The following KRABD2 variants were observed in gnomAD, a reference collection of about 807,000 sequenced individuals.
The protein encoded by KRABD2 is KRAB domain containing 2.
the KRABD2 span, chr17:8,369,826 A>T: frequency 6.2e-7 from 1 of 1,614,236 alleles, no homozygotes; most frequent in Non-Finnish European, 8.5e-7. Context: ...TCAACTTGGC[A>T]TGTGGAGTCT....
At chr17:8,363,863 T>TATA in the KRABD2 span, among the ~76,000 whole-genome samples, 2,453 of 54,316 alleles carry the variant, frequency 0.045, 32 homozygotes, top group East Asian at 0.052. Context: ...ATATATATAT[T>TATA]TATTTATTTA....
chr17:8,370,333 C>G, the KRABD2 span: 1 of 1,605,968 alleles, frequency 6.2e-7, no homozygotes, highest in South Asian at 1.1e-5. Context: ...TTTGAAACCC[C>G]AGGTGGATCA....
At chr17:8,374,553 C>T in the KRABD2 span, among the ~76,000 whole-genome samples, 14 of 150,826 alleles carry the variant, frequency 9.3e-5, no homozygotes, top group Admixed American at 9.3e-4. Flanking sequence ...ATCTGCTGAC[C>T]TTCCCTCCAC....
At chr17:8,364,060 G>C in the KRABD2 span, among the ~76,000 whole-genome samples, 1 of 151,538 alleles carries the variant, frequency 6.6e-6, no homozygotes, top group Admixed American at 6.6e-5. The surrounding 1 kb of genome is among the most constrained non-coding windows in gnomAD (Gnocchi z 4.4). Context: ...GTAGAGACAG[G>C]GTTTTGCCAG....
At chr17:8,358,844 T>C in the KRABD2 span, among the ~76,000 whole-genome samples, 4 of 152,054 alleles carry the variant, frequency 2.6e-5, no homozygotes, top group Admixed American at 6.6e-5. Flanking sequence ...TATTTCAACA[T>C]CTATTTCCTA....
At chr17:8,362,555 T>C in the KRABD2 span, among the ~76,000 whole-genome samples, 1 of 152,178 alleles carries the variant, frequency 6.6e-6, no homozygotes, top group Non-Finnish European at 1.5e-5. The surrounding 1 kb of genome is among the most constrained non-coding windows in gnomAD (Gnocchi z 4.2). Flanking sequence ...TACTGTTGCA[T>C]AACAAACCAC....
chr17:8,376,686 G>GC, the KRABD2 span: 1 of 984,034 alleles, frequency 1.0e-6, no homozygotes, highest in Non-Finnish European at 1.2e-6. Flanking sequence ...CCACCCAGAG[G>GC]CCCCCGAGCA....
the KRABD2 span, among the ~76,000 whole-genome samples, chr17:8,361,459 C>T: frequency 1.3e-5 from 2 of 152,192 alleles, no homozygotes; most frequent in Non-Finnish European, 2.9e-5. Context: ...AAAACAAGTG[C>T]AACCAGGAAA....
chr17:8,367,949 G>GAAAAAAAAAAAAAAAAAAAAAAAA, the KRABD2 span, among the ~76,000 whole-genome samples: 1 of 121,026 alleles, frequency 8.3e-6, no homozygotes, highest in Non-Finnish European at 1.8e-5. Flanking sequence ...AAAAAAAAAA[G>GAAAAAAAAAAAAAAAAAAAAAAAA]TTAAGAGCAA....
the KRABD2 span, among the ~76,000 whole-genome samples, chr17:8,358,822 T>G: frequency 6.6e-6 from 1 of 152,054 alleles, no homozygotes; most frequent in African/African-American, 2.4e-5. Flanking sequence ...CATAATGCTC[T>G]TTATCTCAAG....
the KRABD2 span, chr17:8,370,510 A>G: frequency 1.5e-6 from 1 of 662,226 alleles, no homozygotes; most frequent in South Asian, 2.2e-5. Context: ...TGGAAGAATG[A>G]TAATAGAATA....
At chr17:8,373,124 A>C in the KRABD2 span, among the ~76,000 whole-genome samples, 1 of 145,836 alleles carries the variant, frequency 6.9e-6, no homozygotes, top group Non-Finnish European at 1.5e-5. Context: ...CTCCGTCTCC[A>C]CGGTCTCCCT....
chr17:8,371,963 A>C, the KRABD2 span: 1 of 988,360 alleles, frequency 1.0e-6, no homozygotes. Flanking sequence ...GCCGTAAGAC[A>C]GGATGGTGAT....
chr17:8,368,029 A>C, the KRABD2 span, among the ~76,000 whole-genome samples: 4 of 151,118 alleles, frequency 2.6e-5, no homozygotes, highest in Non-Finnish European at 5.9e-5. Flanking sequence ...TTGGGAGGCC[A>C]ATCCCTTGGG....
chr17:8,375,080 C>A, the KRABD2 span, among the ~76,000 whole-genome samples: 145 of 151,862 alleles, frequency 9.5e-4, no homozygotes, highest in African/African-American at 3.4e-3. Flanking sequence ...GGCGCGATCC[C>A]GGCTCACTGC....
chr17:8,374,887 G>A, the KRABD2 span, among the ~76,000 whole-genome samples: 1 of 112,932 alleles, frequency 8.9e-6, no homozygotes, highest in Non-Finnish European at 1.7e-5. Flanking sequence ...GCAGTGAGCC[G>A]AGATCGTGCC....
the KRABD2 span, among the ~76,000 whole-genome samples, chr17:8,374,602 AAC>A: frequency 6.7e-6 from 1 of 149,544 alleles, no homozygotes; most frequent in African/African-American, 2.5e-5. Flanking sequence ...CTCTCTGAGA[AAC>A]ACCCAAGAAT....
the KRABD2 span, among the ~76,000 whole-genome samples, chr17:8,361,815 G>A: frequency 6.6e-6 from 1 of 151,970 alleles, no homozygotes; most frequent in Non-Finnish European, 1.5e-5. Flanking sequence ...TTACAGGCAC[G>A]AGCCACTGCA....
At chr17:8,364,771 C>T in the KRABD2 span, among the ~76,000 whole-genome samples, 3 of 152,106 alleles carry the variant, frequency 2.0e-5, no homozygotes, top group African/African-American at 7.2e-5. This position sits in a 1 kb window ranked among gnomAD's most constrained non-coding sequence, Gnocchi z 4.4. Flanking sequence ...CCATGGCTCA[C>T]GTCTGTAATC....
Sources: allele counts gnomAD v4.1 joint callset (sites outside exome capture counted in the v4.1 genomes callset), GRCh38; gene constraint gnomAD v4.1.1; non-coding constraint Gnocchi (gnomAD v3.1); transcripts MANE v1.5; gene names NCBI Gene and HGNC (gene_info 2026-07-23, HGNC 2026-07-21).